ZFYVE26: variants seen among roughly 807,000 people sequenced by gnomAD.
ZFYVE26 encodes zinc finger FYVE-type containing 26, also known as zinc finger FYVE domain-containing protein 26.
In ZFYVE26, 181 loss-of-function variants were observed where a neutral mutation model predicts 276.5. That is an observed-to-expected ratio of 0.65 (90% CI 0.58 to 0.74). The LOEUF is 0.74. Ranked by LOEUF, ZFYVE26 falls within the 30% of genes least tolerant of loss-of-function variation. The pLI is 0.00. For missense variants in ZFYVE26, 2,821 were observed against 3,097.9 expected, an observed-to-expected ratio of 0.91 and a Z score of 2.12; for synonymous variants, 1,129 against 1,203.1, an observed-to-expected ratio of 0.94 and a Z score of 1.27.
intron 3 of ZFYVE26, 87 bp downstream of exon 3, chr14:67,813,899 G>T: frequency 1.1e-6 from 1 of 930,550 alleles, no homozygotes; most frequent in Non-Finnish European, 1.7e-6. Flanking sequence ...GATAAAGGAA[G>T]TAACAGACAG....
intron 13 of ZFYVE26, among the ~76,000 whole-genome samples, chr14:67,736,650 C>A (rs1239601071): frequency 1.3e-5 from 2 of 152,146 alleles, no homozygotes; most frequent in Non-Finnish European, 2.9e-5. Context: ...AAAAAGCATA[C>A]CTCAAACAAA....
At chr14:67,759,419 A>T (rs1210137398) in intron 35 of ZFYVE26, among the ~76,000 whole-genome samples, 2 of 151,728 alleles carry the variant, frequency 1.3e-5, no homozygotes, top group African/African-American at 4.8e-5. Context: ...AGGTCAAGAT[A>T]TCGAGACCAT....
At chr14:67,809,125 C>T (rs990625470) in intron 4 of ZFYVE26, 75 bp downstream of exon 4, 11 of 1,299,066 alleles carry the variant, frequency 8.5e-6, no homozygotes, top group African/African-American at 1.5e-5. Context: ...AGACCTCTCT[C>T]TTCTGGGTCC....
At chr14:67,802,371 T>C in intron 9 of ZFYVE26, 89 bp from the exon 10 acceptor site, 1 of 1,334,296 alleles carries the variant, frequency 7.5e-7, no homozygotes, top group South Asian at 1.2e-5. Flanking sequence ...TGTGCCATAC[T>C]TAGAGGTCCA....
rs73276691 is a variant in ZFYVE26 at position 67,748,348 on chromosome 14, C to T, written c.*88G>A. On this transcript the variant is annotated 3_prime_UTR_variant, in exon 42 of 42. Transcript: ENST00000347230. ...CTAGGGCAGAGCCAGAGAAGTCCCA[C>T]TCCACTGGAGGAAAGAGGTGGAGGG... The T allele has an allele frequency of 5.7e-4, 820 of 1,451,234 alleles. 4 individuals are homozygous for T. In the African/African-American group the frequency reaches 9.8e-3, roughly 17 times the overall value. The allele number at this position is 1,451,234 out of a possible 1,614,324, so 89.9% of individuals were successfully genotyped here. A position where few individuals can be genotyped will look rare whatever the true frequency, so the allele number is the denominator to read the frequency against.
chr14:67,786,308 G>A (rs1188030294), intron 16 of ZFYVE26, 75 bp from the exon 17 acceptor site: 13 of 1,502,746 alleles, frequency 8.7e-6, no homozygotes, highest in African/African-American at 4.3e-5. Context: ...ACTCAGTCCT[G>A]TATTTACCTG....
At chr14:67,758,568 T>G (rs1219017876) in intron 35 of ZFYVE26, among the ~76,000 whole-genome samples, 1 of 152,126 alleles carries the variant, frequency 6.6e-6, no homozygotes, top group Non-Finnish European at 1.5e-5. Context: ...GCTGCTTGAG[T>G]GTTCTGTGAA....
rs771714239 is a variant in ZFYVE26 at position 67,785,167 on chromosome 14, C to T, written c.3415G>A (p.Gly1139Ser). The T allele has an allele frequency of 1.2e-5, 19 of 1,614,194 alleles. 1 individual carries two copies. The South Asian group carries it at 1.5e-4, about 13-fold the overall frequency. ...IQTQLLQKNL[G>S]KQTPSGSRQM... The stretch of plus-strand genomic sequence containing the variant: ...CTGCTGCCTGATGGGGTCTGTTTGC[C>T]CAGGTTCTTCTGGAGGAGCTGAGTC... Residue 1139 changes from glycine (G) to serine (S), a missense_variant, in exon 19 of 42, where the codon GGC becomes AGC. By Grantham distance (56) the Gly-to-Ser change is moderately conservative (BLOSUM62 0). Transcript: ENST00000347230.
At chr14:67,797,921 G>A in intron 11 of ZFYVE26, 93 bp downstream of exon 11, 1 of 1,602,498 alleles carries the variant, frequency 6.2e-7, no homozygotes, top group South Asian at 1.1e-5. Flanking sequence ...TGAGTTATGG[G>A]GTGACTCCTA....
Position 67,740,680 on chromosome 14 carries a change from G to A in ZFYVE26, n.2679+10372C>T, listed in dbSNP as rs147881251. 5.5e-3 allele frequency among the ~76,000 whole-genome samples: 833 copies of A among 152,230 alleles called. 8 individuals carry two copies. Among genetic ancestry groups the A allele is most frequent in the African/African-American group, 0.019 (796 of 41,544 alleles). ...TCCCAGCACTTTGGGAGGCCAAGGC[G>A]GGTGGATCACGAGATCAGGAGTTCG... On this transcript the variant is annotated intron_variant and non_coding_transcript_variant, in intron 13 of 14. Coordinates refer to the ZFYVE26 transcript ENST00000394455.
chr14:67,783,503 C>T lies in ZFYVE26; in HGVS notation c.3649G>A (p.Glu1217Lys). 1 of 1,613,488 alleles carries T rather than the reference C, an allele frequency of 6.2e-7. No individual in the cohort carries two copies. Among genetic ancestry groups the T allele is most frequent in the Non-Finnish European group, 8.5e-7 (1 of 1,180,028 alleles). ...PERLAALLAQ[E>K]NLSLSVPQVI... ...TGTGGCACACTTAGGCTGAGATTCT[C>T]TTGGGCCAGAAGGGCTGCCAGTCTG... Residue 1217 changes from glutamate (E) to lysine (K), a missense_variant, in exon 21 of 42, where the codon GAG (glutamate) becomes AAG (lysine). By Grantham distance (56) the Glu-to-Lys change is moderately conservative. Transcript: ENST00000347230.
chr14:67,785,730 G>A, intron 18 of ZFYVE26, 128 bp downstream of exon 18: 1 of 1,269,636 alleles, frequency 7.9e-7, no homozygotes, highest in Admixed American at 1.7e-5. Flanking sequence ...ACATGCCCTG[G>A]CTAACTAAAG....
rs767297891 is a variant in ZFYVE26, at chr14:67,752,489, G to A, written c.7226C>T (p.Ala2409Val). ...CTCTTTCTCCACCAACTGGCGGGCAGCTCTGCAGTAGGTCATGGCAGCATC... is the reference window on the plus strand; with the variant it reads ...CTCTTTCTCCACCAACTGGCGGGCAACTCTGCAGTAGGTCATGGCAGCATC... ...QLDAAMTYCRAARQLVEKEKY... is the reference protein window; with the variant it reads ...QLDAAMTYCRVARQLVEKEKY... The change falls in exon 40 of 42, where the codon GCT becomes GTT. Residue 2409 changes from alanine (A) to valine (V), a missense_variant. By Grantham distance (64) the Ala-to-Val change is moderately conservative. Transcript: ENST00000347230. 1.9e-6 allele frequency: 3 copies of A among 1,614,030 alleles called. No homozygotes were observed. The highest frequency in any genetic ancestry group is 2.5e-6 in the Non-Finnish European group (3 of 1,180,032).
At chr14:67,793,299 G>A (rs1196997283) in intron 14 of ZFYVE26, among the ~76,000 whole-genome samples, 2 of 152,104 alleles carry the variant, frequency 1.3e-5, no homozygotes, top group East Asian at 3.9e-4. Flanking sequence ...AAAAACCCAT[G>A]TATATGTTCA....
chr14:67,805,187 T>C (rs781404469), intron 8 of ZFYVE26, 30 bp downstream of exon 8: 34 of 1,601,722 alleles, frequency 2.1e-5, no homozygotes, highest in Non-Finnish European at 2.8e-5. Flanking sequence ...TGCCCTGTGG[T>C]GGGCAGGCGC....
At chr14:67,737,417 T>C (rs2038365010) in intron 13 of ZFYVE26, among the ~76,000 whole-genome samples, 1 of 152,018 alleles carries the variant, frequency 6.6e-6, no homozygotes, top group Admixed American at 6.6e-5. Flanking sequence ...CTTCATAAGG[T>C]GGCAGGAGAG....
intron 3 of ZFYVE26, among the ~76,000 whole-genome samples, chr14:67,812,864 A>G (rs2040331075): frequency 6.6e-6 from 1 of 152,236 alleles, no homozygotes; most frequent in African/African-American, 2.4e-5. Flanking sequence ...ACTATAGGTT[A>G]CTATTTTAGT....
chr14:67,740,244 C>G (rs978338123), intron 13 of ZFYVE26, among the ~76,000 whole-genome samples: 1 of 152,058 alleles, frequency 6.6e-6, no homozygotes, highest in East Asian at 1.9e-4. Context: ...GTTCCAATGA[C>G]AGCAGTTACT....
intron 3 of ZFYVE26, among the ~76,000 whole-genome samples, chr14:67,812,119 G>C (rs73280429): frequency 0.015 from 2,284 of 152,004 alleles, 62 homozygotes; most frequent in African/African-American, 0.051. Flanking sequence ...CCATACAGCA[G>C]ACCATGAACA....
Sources: allele counts gnomAD v4.1 joint callset (sites outside exome capture counted in the v4.1 genomes callset), GRCh38; gene constraint gnomAD v4.1.1; transcripts MANE v1.5; gene names NCBI Gene and HGNC (gene_info 2026-07-23, HGNC 2026-07-21).